CFAP92: variants seen among roughly 807,000 people sequenced by gnomAD.
CFAP92 encodes the protein uncharacterized protein CFAP92.
Under a neutral mutation model 106.3 loss-of-function variants are expected in CFAP92, and 86 were observed. The observed-to-expected ratio is 0.81, with a 90% CI of 0.68 to 0.97. The LOEUF is 0.97. CFAP92 is among the 50% of genes least tolerant of loss of function. The pLI, the probability that CFAP92 is intolerant of heterozygous loss-of-function variation, is 0.00. For missense variants in CFAP92, 1,204 were observed against 1,283.8 expected (o/e 0.94, Z 0.95); for synonymous variants, 477 against 506.4 (o/e 0.94, Z 0.78).
rs900249446 is a variant in CFAP92, at chr3:129,002,349, G to C, written n.117+225C>G. The C allele has an allele frequency of 1.5e-5, 23 of 1,508,194 alleles. No homozygotes were observed. In the African/African-American group the frequency reaches 3.3e-4, roughly 21 times the overall value. 93.4% of individuals were successfully genotyped at this position (1,508,194 alleles called of 1,614,324 possible). A position where few individuals can be genotyped will look rare whatever the true frequency, so the allele number is the denominator to read the frequency against. ...GGTGCGCGCCGGCCACGAAGGGAGG[G>C]TGGTAACGCCCGGGAGAGGGCTCGA... On this transcript the variant is annotated intron_variant and non_coding_transcript_variant, in intron 1 of 4. Transcript: ENST00000510149.
intron 10 of CFAP92, among the ~76,000 whole-genome samples, chr3:128,939,826 T>G (rs1466334458): frequency 6.6e-6 from 1 of 152,204 alleles, no homozygotes; most frequent in African/African-American, 2.4e-5. Context: ...GTCCCTCGCA[T>G]GCACAGTTCA....
intron 11 of CFAP92, among the ~76,000 whole-genome samples, chr3:128,933,629 C>T (rs1189283112): frequency 2.6e-5 from 4 of 152,238 alleles, no homozygotes; most frequent in Non-Finnish European, 5.9e-5. Flanking sequence ...CCAGCCTTAG[C>T]CTTTCTGAAT....
chr3:128,933,017 C>T lies in CFAP92; in HGVS notation c.2454-20G>A, dbSNP rs1011987470. On this transcript the variant is annotated intron_variant, in intron 11 of 15. Coordinates refer to ENST00000645291, the MANE Select transcript of CFAP92 (RefSeq NM_001394090.1). ...TGGATCCTGGAACAAAGAACCACTG[C>T]CCCACTGAACCTCTCCTACCTTGCA... 2 of 1,534,500 alleles carry T rather than the reference C, an allele frequency of 1.3e-6. No individual in the cohort carries two copies. Among genetic ancestry groups the T allele is most frequent in the African/African-American group, 2.7e-5 (2 of 72,978 alleles).
intron 11 of CFAP92, among the ~76,000 whole-genome samples, chr3:128,934,083 C>A (rs1263119533): frequency 6.6e-6 from 1 of 152,172 alleles, no homozygotes; most frequent in Non-Finnish European, 1.5e-5. Flanking sequence ...GGGAAAGAAG[C>A]AGCCCCCTCC....
chr3:128,971,216 A>G, intron 8 of CFAP92, 71 bp downstream of exon 8: 1 of 1,608,732 alleles, frequency 6.2e-7, no homozygotes, highest in South Asian at 1.1e-5. Context: ...TGTCATTAGG[A>G]GCATCCGCTT....
At chr3:128,984,545 G>A (rs1943730478) in intron 4 of CFAP92, among the ~76,000 whole-genome samples, 1 of 152,130 alleles carries the variant, frequency 6.6e-6, no homozygotes, top group Admixed American at 6.6e-5. Context: ...TCAGGCCTTC[G>A]GTCACAGACT....
intron 15 of CFAP92, among the ~76,000 whole-genome samples, chr3:128,910,996 G>A (rs1936237916): frequency 6.6e-6 from 1 of 152,234 alleles, no homozygotes; most frequent in Admixed American, 6.5e-5. Flanking sequence ...CACTGTAGGT[G>A]CATACCTGCC....
chr3:128,963,415 T>C (rs562000643), intron 9 of CFAP92, among the ~76,000 whole-genome samples: 23 of 152,284 alleles, frequency 1.5e-4, no homozygotes, highest in African/African-American at 5.3e-4. Context: ...ACTCACTCTC[T>C]ACATTTCCCA....
intron 9 of CFAP92, among the ~76,000 whole-genome samples, chr3:128,959,716 G>A (rs987414146): frequency 5.9e-5 from 9 of 152,152 alleles, no homozygotes; most frequent in African/African-American, 1.2e-4. Flanking sequence ...GAGCACCTGC[G>A]GCATAGTAGG....
intron 12 of CFAP92, among the ~76,000 whole-genome samples, chr3:128,925,898 A>C (rs1253852943): frequency 1.3e-5 from 2 of 152,236 alleles, no homozygotes; most frequent in Non-Finnish European, 2.9e-5. Context: ...GATGTCTTTA[A>C]AGTGTTAATA....
chr3:128,974,680 G>A (rs1379786952), intron 7 of CFAP92, among the ~76,000 whole-genome samples: 1 of 152,108 alleles, frequency 6.6e-6, no homozygotes, highest in African/African-American at 2.4e-5. Flanking sequence ...AATTAGCTGG[G>A]TGTGGTGGTG....
intron 12 of CFAP92, among the ~76,000 whole-genome samples, chr3:128,919,330 A>G (rs940669990): frequency 2.0e-5 from 3 of 152,134 alleles, no homozygotes; most frequent in Non-Finnish European, 4.4e-5. Context: ...GAGACAGCAT[A>G]TACACTAGGC....
At chr3:128,987,954 A>C (rs1943963909) in intron 3 of CFAP92, 125 bp from the exon 4 acceptor site, 1 of 725,282 alleles carries the variant, frequency 1.4e-6, no homozygotes, top group African/African-American at 1.8e-5. Flanking sequence ...GTGCCTGGTC[A>C]CTCTCCAGGC....
Position 128,945,178 on chromosome 3 carries a change from C to T in CFAP92, c.2151G>A (p.Leu717=). 6.5e-7 allele frequency: 1 copy of T among 1,536,166 alleles called. No homozygotes were observed. The highest frequency in any genetic ancestry group is 2.4e-5 in the East Asian group (1 of 40,916). The stretch of plus-strand genomic sequence containing the variant: ...GCAGGTGGAAGCCAGTGAGCACATC[C>T]AGGTGCTGCTGCTCCTGGACCCGCA... ...VRVRVQEQQH[L]DVLTGFHLLD... is the part of the protein sequence containing the mutation. The change falls in exon 10 of 16, where the codon CTG becomes CTA. Residue 717 remains leucine (L), a synonymous_variant. Coordinates refer to ENST00000645291, the MANE Select transcript of CFAP92 (RefSeq NM_001394090.1).
chr3:128,956,385 G>A (rs1013175845), intron 9 of CFAP92, among the ~76,000 whole-genome samples: 6 of 151,770 alleles, frequency 4.0e-5, no homozygotes, highest in Admixed American at 1.3e-4. Flanking sequence ...AAAAAAGGTG[G>A]TGCTGAAAAG....
At chr3:129,004,201 A>C (rs1289640995), upstream of CFAP92, 2 of 1,188,352 alleles carry the variant, frequency 1.7e-6, no homozygotes, top group Non-Finnish European at 2.2e-6. Context: ...GCGTTTATTC[A>C]TGTATTCTTT....
Position 128,945,079 on chromosome 3 carries a change from G to C in CFAP92, c.2250C>G (p.His750Gln). The C allele has an allele frequency of 6.6e-7, 1 of 1,519,488 alleles. No homozygotes were observed. The highest frequency in any genetic ancestry group is 8.8e-7 in the Non-Finnish European group (1 of 1,137,096). 94.1% of individuals were successfully genotyped at this position (1,519,488 alleles called of 1,614,324 possible). ...DQGLRQLWENHQSWIPRSEHR... is the reference protein window; with the variant it reads ...DQGLRQLWENQQSWIPRSEHR... ...TAAAACAAACCACCTACCAGCTTTGGTGGTTCTCCCACAGCTGCCTCAAGC... is the reference window on the plus strand; with the variant it reads ...TAAAACAAACCACCTACCAGCTTTGCTGGTTCTCCCACAGCTGCCTCAAGC... The change falls in exon 10 of 16, where the codon CAC (histidine) becomes CAG (glutamine). Residue 750 changes from histidine to glutamine, a missense_variant. Physicochemically the swap from His to Gln is conservative, Grantham distance 24. Transcript: ENST00000645291.
At chr3:128,970,999 T>C (rs939622444) in intron 8 of CFAP92, 7 of 473,604 alleles carry the variant, frequency 1.5e-5, no homozygotes, top group African/African-American at 8.0e-5. Flanking sequence ...AACACAATGA[T>C]GACATTTAAT....
intron 12 of CFAP92, among the ~76,000 whole-genome samples, chr3:128,925,745 T>TA (rs1937600229): frequency 6.6e-6 from 1 of 151,992 alleles, no homozygotes; most frequent in African/African-American, 2.4e-5. Context: ...AAAACACACC[T>TA]ACAAACATCA....
Sources: gnomAD v4.1 joint callset for allele counts (sites outside exome capture counted in the v4.1 genomes callset) on GRCh38, gnomAD v4.1.1 for gene constraint, MANE v1.5 for transcripts, NCBI Gene and HGNC (gene_info 2026-07-23, HGNC 2026-07-21) for gene names.